Variants in TMEM74 observed in about 807,000 individuals in gnomAD.
TMEM74 encodes transmembrane protein 74.
A neutral mutation model predicts 18.1 loss-of-function variants in TMEM74; 13 were observed. The ratio of observed to expected loss-of-function variants is 0.72; its 90% confidence interval spans 0.47 to 1.14. The LOEUF (loss-of-function observed/expected upper bound fraction) is 1.14, where lower values mean the gene tolerates loss of function less well. Among genes scored for constraint, TMEM74 ranks in the 50% most tolerant of loss-of-function variants. The pLI is 0.00. For missense variants in TMEM74, 372 were observed against 375.9 expected, an observed-to-expected ratio of 0.99 and a Z score of 0.09; for synonymous variants, 159 against 146.6, an observed-to-expected ratio of 1.08 and a Z score of -0.61.
downstream of TMEM74, among the ~76,000 whole-genome samples, chr8:108,778,567 A>T (rs1385474715): frequency 6.6e-6 from 1 of 152,242 alleles, no homozygotes; most frequent in Non-Finnish European, 1.5e-5. Flanking sequence ...ATCTTGATCC[A>T]ATTTTTATTC....
intron 1 of TMEM74, among the ~76,000 whole-genome samples, chr8:108,720,728 CTATTTATT>C (rs3049754): frequency 0.013 from 2,015 of 149,422 alleles, 27 homozygotes; most frequent in Middle Eastern, 0.073. Flanking sequence ...TAAGATATAA[CTATTTATT>C]TATTTATTTA....
chr8:108,752,031 C>T (rs1586284482), intron 1 of TMEM74, among the ~76,000 whole-genome samples: 1 of 146,302 alleles, frequency 6.8e-6, no homozygotes. Context: ...CCTGGGCAAT[C>T]AATTAATGTT....
intron 1 of TMEM74, among the ~76,000 whole-genome samples, chr8:108,660,791 T>C (rs1812893120): frequency 6.6e-6 from 1 of 152,146 alleles, no homozygotes; most frequent in Non-Finnish European, 1.5e-5. Context: ...TTCATGCAGG[T>C]AACTCAGTTC....
chr8:108,688,166 T>C (rs1813190746), intron 1 of TMEM74, among the ~76,000 whole-genome samples: 1 of 152,224 alleles, frequency 6.6e-6, no homozygotes. Context: ...CTGACTGGTA[T>C]GCAAACTGGT....
At chr8:108,719,377 A>G (rs1377835265) in intron 1 of TMEM74, among the ~76,000 whole-genome samples, 3 of 152,162 alleles carry the variant, frequency 2.0e-5, no homozygotes, top group African/African-American at 7.2e-5. Flanking sequence ...CTTCCACAAT[A>G]TAATACTTTA....
At chr8:108,758,478 C>T (rs893939441) in intron 1 of TMEM74, among the ~76,000 whole-genome samples, 2 of 152,006 alleles carry the variant, frequency 1.3e-5, no homozygotes, top group Non-Finnish European at 2.9e-5. Flanking sequence ...AAAAGATGTG[C>T]AATCACGTTA....
chr8:108,785,072 CT>C lies in TMEM74; in HGVS notation c.26del (p.Lys9ArgfsTer85). 6.2e-7 allele frequency: 1 copy of C among 1,609,440 alleles called. No individual in the cohort carries two copies. The highest frequency in any genetic ancestry group is 8.5e-7 in the Non-Finnish European group (1 of 1,178,240). On this transcript the variant is annotated frameshift_variant, in exon 2 of 2. Transcript: ENST00000297459. LOFTEE classifies it high-confidence loss of function. MELHYLAK[K>X]SNQADLCDAR... ...CATCACAGAGGTCTGCCTGGTTGCT[CT>C]TCTTAGCAAGGTAGTGGAGCTCCAT... is the stretch of plus-strand genomic sequence containing the variant.
At chr8:108,786,640 A>G (rs1003641950) in intron 1 of TMEM74, among the ~76,000 whole-genome samples, 3 of 152,222 alleles carry the variant, frequency 2.0e-5, no homozygotes, top group African/African-American at 7.2e-5. Context: ...ACAGGGCAAA[A>G]GAATCACTAC....
intron 1 of TMEM74, among the ~76,000 whole-genome samples, chr8:108,764,868 T>G (rs950833802): frequency 1.3e-5 from 2 of 152,176 alleles, no homozygotes; most frequent in Non-Finnish European, 2.9e-5. Flanking sequence ...ATAAGATTAG[T>G]CCCAGTTTCG....
chr8:108,632,434 C>T (rs901738125), intron 2 of TMEM74, among the ~76,000 whole-genome samples: 3 of 151,840 alleles, frequency 2.0e-5, no homozygotes, highest in African/African-American at 7.2e-5. Context: ...TTACCAATGA[C>T]AATGCATATA....
intron 2 of TMEM74, among the ~76,000 whole-genome samples, chr8:108,614,048 T>G (rs1733242171): frequency 6.6e-6 from 1 of 151,744 alleles, no homozygotes; most frequent in African/African-American, 2.4e-5. Context: ...TTTTTTTTTT[T>G]TTGTATGGGG....
At chr8:108,687,473 G>C (rs1813182579) in intron 1 of TMEM74, among the ~76,000 whole-genome samples, 1 of 152,016 alleles carries the variant, frequency 6.6e-6, no homozygotes, top group Admixed American at 6.6e-5. Flanking sequence ...CACGGACAGG[G>C]TCGAGGATGT....
intron 1 of TMEM74, among the ~76,000 whole-genome samples, chr8:108,759,136 C>A (rs970675740): frequency 6.6e-6 from 1 of 151,894 alleles, no homozygotes; most frequent in African/African-American, 2.4e-5. Flanking sequence ...TGGCTATAAT[C>A]TCAATGGAAG....
chr8:108,686,034 G>A (rs1813164265), intron 1 of TMEM74, among the ~76,000 whole-genome samples: 1 of 151,946 alleles, frequency 6.6e-6, no homozygotes, highest in Non-Finnish European at 1.5e-5. Context: ...TTAAATAAAT[G>A]TATAAATTAA....
At chr8:108,661,770 C>T (rs181630466) in intron 1 of TMEM74, among the ~76,000 whole-genome samples, 54 of 152,086 alleles carry the variant, frequency 3.6e-4, no homozygotes, top group East Asian at 1.2e-3. Context: ...GGGTAGGTGA[C>T]ACTTAGTGTT....
At chr8:108,710,296 G>T (rs138736135) in intron 1 of TMEM74, among the ~76,000 whole-genome samples, 91 of 152,338 alleles carry the variant, frequency 6.0e-4, no homozygotes, top group African/African-American at 2.1e-3. Flanking sequence ...ACCATGATTA[G>T]ACTGCCAGAT....
rs1180256255 is a variant in TMEM74, at chr8:108,781,641, A to G, written c.*2540T>C. Among the ~76,000 whole-genome samples, 2 of 152,210 alleles carry G rather than the reference A, an allele frequency of 1.3e-5. No individual in the cohort carries two copies. Among genetic ancestry groups the G allele is most frequent in the African/African-American group, 4.8e-5 (2 of 41,460 alleles). On this transcript the variant is annotated 3_prime_UTR_variant, in exon 2 of 2. Coordinates refer to ENST00000297459, the MANE Select transcript of TMEM74 (RefSeq NM_153015.3). The stretch of plus-strand genomic sequence containing the variant: ...TAGAACCTTAAAAGAGAGGTGCTCT[A>G]TATGTTAGCAGATTTAAATAATGTT...
intron 2 of TMEM74, among the ~76,000 whole-genome samples, chr8:108,609,857 G>A (rs2928834): frequency 0.21 from 32,589 of 152,098 alleles, 3,514 homozygotes; most frequent in East Asian, 0.27. Flanking sequence ...TTAAGCATGT[G>A]TGTCCTTGTA....
chr8:108,727,610 A>G (rs535938353), intron 1 of TMEM74, among the ~76,000 whole-genome samples: 2 of 152,336 alleles, frequency 1.3e-5, no homozygotes, highest in East Asian at 3.8e-4. Flanking sequence ...TTTCATAGAT[A>G]TATAAGTAGA....
Sources: allele counts gnomAD v4.1 joint callset (sites outside exome capture counted in the v4.1 genomes callset), GRCh38; gene constraint gnomAD v4.1.1; transcripts MANE v1.5; gene names NCBI Gene and HGNC (gene_info 2026-07-23, HGNC 2026-07-21).